TDRD15: variants seen among roughly 807,000 people sequenced by gnomAD.
The protein encoded by TDRD15 is tudor domain containing 15.
For synonymous variants in TDRD15, 503 were observed against 314.5 expected, an observed-to-expected ratio of 1.60 and a Z score of -6.34; for missense variants, 1,416 against 904.7, an observed-to-expected ratio of 1.57 and a Z score of -7.25.
intron 2 of TDRD15, among the ~76,000 whole-genome samples, chr2:21,130,754 C>T (rs984507323): frequency 1.3e-5 from 2 of 152,096 alleles, no homozygotes; most frequent in Non-Finnish European, 2.9e-5. Flanking sequence ...GCTGGCACCT[C>T]GCTGTGAATC....
At position 21,140,328 on chromosome 2, in the gene TDRD15, A is replaced by G; in HGVS notation, c.2861A>G (p.Tyr954Cys). The part of the protein sequence containing the change: ...TFPSLFSLYS[Y>C]CYSSFNIQIG... ...CCATCTTTATTTAGTCTTTACAGTT[A>G]CTGTTATTCTTCCTTTAATATACAA... The change falls in exon 4 of 4, where the codon TAC becomes TGC. Residue 954 changes from tyrosine (Y) to cysteine (C), a missense_variant. Coordinates refer to ENST00000405799, the MANE Select transcript of TDRD15 (RefSeq NM_001306137.2). 1 of 712,492 alleles carries G rather than the reference A, an allele frequency of 1.4e-6. No homozygotes were observed. The highest frequency in any genetic ancestry group is 2.6e-6 in the Non-Finnish European group (1 of 383,044). 44.1% of individuals were successfully genotyped at this position (712,492 alleles called of 1,614,324 possible).
chr2:21,138,266 C>G lies in TDRD15; in HGVS notation c.799C>G (p.Leu267Val). 1 of 716,192 alleles carries G rather than the reference C, an allele frequency of 1.4e-6. No individual in the cohort carries two copies. Among genetic ancestry groups the G allele is most frequent in the East Asian group, 2.7e-5 (1 of 37,280 alleles). The allele number at this position is 716,192 out of a possible 1,614,324, so 44.4% of individuals were successfully genotyped here. ...YCQLIKWTPE[L>V]ENLTAHMTLH... is the part of the protein sequence containing the mutation. ...TCAGTTAATTAAATGGACTCCAGAG[C>G]TAGAAAACTTGACAGCACATATGAC... The change falls in exon 4 of 4, where the codon CTA becomes GTA. Residue 267 changes from leucine to valine, a missense_variant. Transcript: ENST00000405799.
chr2:21,137,904 C>A lies in TDRD15; in HGVS notation c.437C>A (p.Ser146Ter). The A allele has an allele frequency of 1.4e-6, 1 of 716,146 alleles. No individual in the cohort carries two copies. Among genetic ancestry groups the A allele is most frequent in the South Asian group, 1.5e-5 (1 of 67,386 alleles). The allele number at this position is 716,146 out of a possible 1,614,324, so 44.4% of individuals were successfully genotyped here. Residue 146 changes from serine (S) to a stop codon, truncating the protein, a stop_gained, in exon 4 of 4, where the codon TCA becomes TAA. Transcript: ENST00000405799. LOFTEE classifies it low-confidence loss of function (END_TRUNC). Reference protein sequence around the residue: ...WSPKALNYFKSLVGIQVKGYV... With the variant: ...WSPKALNYFK ...CCTAAAGCTTTGAATTATTTCAAGT[C>A]ATTAGTAGGAATACAAGTGAAAGGT...
chr2:21,141,849 G>A lies in TDRD15; in HGVS notation c.4382G>A (p.Cys1461Tyr), dbSNP rs748534436. ...WEVNMICDEK[C>Y]VINELLKWKA... is the part of the protein sequence containing the mutation. The stretch of plus-strand genomic sequence containing the variant: ...GTAAATATGATTTGTGATGAAAAAT[G>A]TGTCATTAATGAACTACTGAAATGG... The change falls in exon 4 of 4, where the codon TGT becomes TAT. Residue 1461 changes from cysteine to tyrosine, a missense_variant. Physicochemically the swap from Cys to Tyr is radical, Grantham distance 194 (BLOSUM62 -2). Transcript: ENST00000405799. 15 of 715,032 alleles carry A rather than the reference G, an allele frequency of 2.1e-5. No individual in the cohort carries two copies. Among genetic ancestry groups the A allele is most frequent in the East Asian group, 5.4e-5 (2 of 37,256 alleles). 44.3% of individuals were successfully genotyped at this position (715,032 alleles called of 1,614,324 possible). A position where few individuals can be genotyped will look rare whatever the true frequency, so the allele number is the denominator to read the frequency against.
intron 2 of TDRD15, among the ~76,000 whole-genome samples, chr2:21,130,074 G>A (rs545983398): frequency 6.6e-6 from 1 of 152,270 alleles, no homozygotes; most frequent in Non-Finnish European, 1.5e-5. Flanking sequence ...CATAAGGACA[G>A]TACCCTCCTG....
chr2:21,125,824 G>A (rs1665579550), intron 1 of TDRD15, among the ~76,000 whole-genome samples: 1 of 152,026 alleles, frequency 6.6e-6, no homozygotes, highest in Non-Finnish European at 1.5e-5. Flanking sequence ...ATGTATACAC[G>A]TAAGATATCA....
Position 21,138,564 on chromosome 2 carries a change from C to T in TDRD15, c.1097C>T (p.Ala366Val). ...LTCLHSPDRD[A>V]RIFQLSIFKQ... The stretch of plus-strand genomic sequence containing the variant: ...TGTTTGCACAGTCCAGATAGAGATG[C>T]AAGAATATTTCAACTGAGTATATTT... The change falls in exon 4 of 4, where the codon GCA (alanine) becomes GTA (valine). Residue 366 changes from alanine to valine, a missense_variant. Transcript: ENST00000405799. The T allele has an allele frequency of 1.4e-6, 1 of 714,860 alleles. No individual in the cohort carries two copies. The highest frequency in any genetic ancestry group is 2.6e-6 in the Non-Finnish European group (1 of 384,030). 44.3% of individuals were successfully genotyped at this position (714,860 alleles called of 1,614,324 possible).
Position 21,138,537 on chromosome 2 carries a change from C to G in TDRD15, c.1070C>G (p.Thr357Arg), listed in dbSNP as rs1197001546. The change falls in exon 4 of 4, where the codon ACA becomes AGA. Residue 357 changes from threonine (T) to arginine (R), a missense_variant. Coordinates refer to ENST00000405799, the MANE Select transcript of TDRD15 (RefSeq NM_001306137.2). ...TTATTTTCATTTCCATGTTCTCTGACATGTTTGCACAGTCCAGATAGAGAT... is the reference window on the plus strand; with the variant it reads ...TTATTTTCATTTCCATGTTCTCTGAGATGTTTGCACAGTCCAGATAGAGAT... ...VPLFSFPCSL[T>R]CLHSPDRDAR... 1 of 715,548 alleles carries G rather than the reference C, an allele frequency of 1.4e-6. No individual in the cohort carries two copies. Among genetic ancestry groups the G allele is most frequent in the Admixed American group, 2.0e-5 (1 of 49,810 alleles). The allele number at this position is 715,548 out of a possible 1,614,324, so 44.3% of individuals were successfully genotyped here.
chr2:21,142,628 A>G lies in TDRD15; in HGVS notation c.5161A>G (p.Ile1721Val). The change falls in exon 4 of 4, where the codon ATA (isoleucine) becomes GTA (valine). Residue 1721 changes from isoleucine (I) to valine (V), a missense_variant. Physicochemically the swap from Ile to Val is conservative, Grantham distance 29. Coordinates refer to ENST00000405799, the MANE Select transcript of TDRD15 (RefSeq NM_001306137.2). Reference protein sequence around the residue: ...ESKTPVSSCTIKSFTWVQFQN... With the variant: ...ESKTPVSSCTVKSFTWVQFQN... ...TAAGACTCCTGTATCATCATGCACA[A>G]TAAAATCATTTACTTGGGTTCAATT... 4 of 712,788 alleles carry G rather than the reference A, an allele frequency of 5.6e-6. No individual in the cohort carries two copies. The Admixed American group carries it at 8.1e-5, about 14-fold the overall frequency. The allele number at this position is 712,788 out of a possible 1,614,324, so 44.2% of individuals were successfully genotyped here. A position where few individuals can be genotyped will look rare whatever the true frequency, so the allele number is the denominator to read the frequency against.
chr2:21,144,969 C>CA (rs1035088650), downstream of TDRD15, among the ~76,000 whole-genome samples: 10 of 151,758 alleles, frequency 6.6e-5, no homozygotes, highest in Admixed American at 2.0e-4. Context: ...GCAGTTCTCC[C>CA]AAAAAAGAAA....
chr2:21,127,033 T>A (rs1466536237), intron 1 of TDRD15, among the ~76,000 whole-genome samples: 1 of 152,228 alleles, frequency 6.6e-6, no homozygotes, highest in Non-Finnish European at 1.5e-5. Context: ...AAGTATTATC[T>A]TAGTGCGATT....
At chr2:21,124,799 G>C (rs1466211123) in intron 1 of TDRD15, among the ~76,000 whole-genome samples, 1 of 136,284 alleles carries the variant, frequency 7.3e-6, no homozygotes. Context: ...GTGTGTGACA[G>C]AGTGATCCTA....
At chr2:21,134,031 A>T (rs946622557) in intron 2 of TDRD15, among the ~76,000 whole-genome samples, 2 of 151,946 alleles carry the variant, frequency 1.3e-5, no homozygotes, top group Non-Finnish European at 2.9e-5. Flanking sequence ...TACTTTATAT[A>T]TATGGCTCAA....
Position 21,138,222 on chromosome 2 carries a change from G to T in TDRD15, c.755G>T (p.Ser252Ile). 2.8e-6 allele frequency: 2 copies of T among 716,248 alleles called. No homozygotes were observed. Among genetic ancestry groups the T allele is most frequent in the Non-Finnish European group, 5.2e-6 (2 of 384,374 alleles). The allele number at this position is 716,248 out of a possible 1,614,324, so 44.4% of individuals were successfully genotyped here. The change falls in exon 4 of 4, where the codon AGC becomes ATC. Residue 252 changes from serine (S) to isoleucine (I), a missense_variant. Ser to Ile is a moderately radical substitution (Grantham distance 142, BLOSUM62 -2). Coordinates refer to ENST00000405799, the MANE Select transcript of TDRD15 (RefSeq NM_001306137.2). ...TESVKVSSAL[S>I]PSKFYCQLIK... ...AGTGTAAAGGTATCATCTGCATTGA[G>T]CCCAAGTAAATTTTATTGTCAGTTA...
At chr2:21,126,136 A>C (rs923427903) in intron 1 of TDRD15, among the ~76,000 whole-genome samples, 1 of 152,182 alleles carries the variant, frequency 6.6e-6, no homozygotes, top group African/African-American at 2.4e-5. Context: ...TGAAACCACT[A>C]TAAACGACAT....
At chr2:21,146,855 A>T (rs929171750), downstream of TDRD15, among the ~76,000 whole-genome samples, 1 of 152,010 alleles carries the variant, frequency 6.6e-6, no homozygotes, top group Non-Finnish European at 1.5e-5. Context: ...CAGATTTATG[A>T]CTCGCTTGCA....
rs556203509 is a variant in TDRD15 at position 21,135,512 on chromosome 2, C to T, written c.-4+665C>T. Among the ~76,000 whole-genome samples the T allele has an allele frequency of 7.5e-4, 114 of 152,106 alleles. 2 individuals carry two copies. The South Asian group carries it at 0.02, about 27-fold the overall frequency. On this transcript the variant is annotated intron_variant, in intron 3 of 3. Coordinates refer to ENST00000405799, the MANE Select transcript of TDRD15 (RefSeq NM_001306137.2). ...CTCATTCACATACCTCTTCTTCAGA[C>T]GTTTTTGTAATAAGTCTTCCAGTCT... is the stretch of plus-strand genomic sequence containing the variant.
rs1452951999 is a variant in TDRD15, at chr2:21,134,837, G to C, written c.-14G>C. 6.6e-6 allele frequency: 1 copy of C among 151,354 alleles called. No homozygotes were observed. Among genetic ancestry groups the C allele is most frequent in the Non-Finnish European group, 1.5e-5 (1 of 67,782 alleles). The allele number at this position is 151,354 out of a possible 1,614,324, so 9.4% of individuals were successfully genotyped here. A position where few individuals can be genotyped will look rare whatever the true frequency, so the allele number is the denominator to read the frequency against. ...AATTGAGTACTGATATCTGAATCCT[G>C]TGTATACAGTGTAAGTACTTTCTGT... On this transcript the variant is annotated 5_prime_UTR_variant, in exon 3 of 4. Coordinates refer to ENST00000405799, the MANE Select transcript of TDRD15 (RefSeq NM_001306137.2).
downstream of TDRD15, among the ~76,000 whole-genome samples, chr2:21,147,120 C>A (rs189565472): frequency 6.6e-6 from 1 of 151,988 alleles, no homozygotes; most frequent in Non-Finnish European, 1.5e-5. Flanking sequence ...TATAATCATC[C>A]TGATAAAACT....
Sources: allele counts gnomAD v4.1 joint callset (sites outside exome capture counted in the v4.1 genomes callset), GRCh38; gene constraint gnomAD v4.1.1; transcripts MANE v1.5; gene names NCBI Gene and HGNC (gene_info 2026-07-23, HGNC 2026-07-21).